The following ZNF143 variants were observed in gnomAD, a reference collection of about 807,000 sequenced individuals.
ZNF143 encodes the protein zinc finger protein 143.
ZNF143 carries 49 observed loss-of-function variants against 74.1 expected under a neutral mutation model. That is an observed-to-expected ratio of 0.66 (90% CI 0.53 to 0.84). The LOEUF (loss-of-function observed/expected upper bound fraction) is 0.84, where lower values mean the gene tolerates loss of function less well. ZNF143 is among the 40% of genes least tolerant of loss of function. The probability of loss-of-function intolerance (pLI) is 0.00; values close to 1 mark genes in which losing one functional copy is unlikely to be tolerated. For missense variants in ZNF143, 637 were observed against 793.4 expected, an observed-to-expected ratio of 0.80 and a Z score of 2.37; for synonymous variants, 304 against 282.8, an observed-to-expected ratio of 1.07 and a Z score of -0.75.
chr11:9,496,447 G>A, intron 9 of ZNF143, 69 bp downstream of exon 9: 1 of 1,314,956 alleles, frequency 7.6e-7, no homozygotes, highest in Non-Finnish European at 1.1e-6. Context: ...CTAGTGGAAG[G>A]AACTGACCCC....
intron 8 of ZNF143, among the ~76,000 whole-genome samples, 186 bp downstream of exon 8, chr11:9,494,951 G>A (rs1289348066): frequency 6.6e-6 from 1 of 152,134 alleles, no homozygotes; most frequent in Non-Finnish European, 1.5e-5. Context: ...AATTTTTTGA[G>A]GGCTTGGACT....
At chr11:9,519,625 T>C (rs1172037323) in intron 14 of ZNF143, among the ~76,000 whole-genome samples, 1 of 152,250 alleles carries the variant, frequency 6.6e-6, no homozygotes, top group South Asian at 2.1e-4. Flanking sequence ...CTTGTTGATA[T>C]ATTCTCCCCT....
chr11:9,511,102 C>CTTTTTTTTTTTTTT (rs777285359), intron 12 of ZNF143, among the ~76,000 whole-genome samples: 2 of 70,748 alleles, frequency 2.8e-5, no homozygotes, highest in African/African-American at 1.1e-4. Context: ...TTAACAGCTT[C>CTTTTTTTTTTTTTT]TTTTTTTTTT....
intron 14 of ZNF143, among the ~76,000 whole-genome samples, chr11:9,521,137 C>T (rs1230915366): frequency 6.6e-6 from 1 of 152,298 alleles, no homozygotes; most frequent in East Asian, 1.9e-4. Context: ...TTGAAACCTA[C>T]ACGTACACAT....
intron 5 of ZNF143, 81 bp from the exon 6 acceptor site, chr11:9,478,309 T>C: frequency 3.4e-6 from 5 of 1,454,358 alleles, no homozygotes; most frequent in Non-Finnish European, 4.7e-6. Flanking sequence ...CAATAAAAGC[T>C]CATTTCTCTC....
At chr11:9,463,033 C>G (rs1031216470) in intron 1 of ZNF143, among the ~76,000 whole-genome samples, 3 of 152,160 alleles carry the variant, frequency 2.0e-5, no homozygotes, top group African/African-American at 7.2e-5. Flanking sequence ...TGCATGTTTG[C>G]TATTCTAGAT....
At chr11:9,465,995 A>AT (rs142606023) in intron 1 of ZNF143, among the ~76,000 whole-genome samples, 2,762 of 138,202 alleles carry the variant, frequency 0.02, 54 homozygotes, top group African/African-American at 0.053. Flanking sequence ...TGTCTGGCTA[A>AT]TTTTTTTTTT....
chr11:9,473,704 C>G, intron 3 of ZNF143: 3 of 1,318,872 alleles, frequency 2.3e-6, no homozygotes, highest in Non-Finnish European at 3.1e-6. Context: ...AGCCACTCTT[C>G]CTCTTGACCT....
intron 7 of ZNF143, among the ~76,000 whole-genome samples, chr11:9,487,396 A>G (rs755583720): frequency 1.2e-4 from 18 of 149,040 alleles, no homozygotes; most frequent in Non-Finnish European, 2.4e-4. Flanking sequence ...GTCTCGCTCT[A>G]TTGCCCAGGC....
chr11:9,516,379 GT>G lies in ZNF143; in HGVS notation c.1686+19del. 1 of 1,594,226 alleles carries G rather than the reference GT, an allele frequency of 6.3e-7. No homozygotes were observed. On this transcript the variant is annotated intron_variant, in intron 14 of 15. Coordinates refer to ENST00000396602, the MANE Select transcript of ZNF143 (RefSeq NM_003442.6). ...GGGGAACAGGTAATTACTTTTTTCTGTTATGTCAATCAATACATATATCAGT... is the reference window on the plus strand; with the variant it reads ...GGGGAACAGGTAATTACTTTTTTCTGTATGTCAATCAATACATATATCAGT...
intron 7 of ZNF143, among the ~76,000 whole-genome samples, chr11:9,487,619 A>C (rs139073980): frequency 0.014 from 2,203 of 152,290 alleles, 30 homozygotes; most frequent in Non-Finnish European, 0.024. Flanking sequence ...GGCCTCCCAG[A>C]GTGCTGGGAG....
At chr11:9,467,250 T>C (rs998675470) in intron 1 of ZNF143, among the ~76,000 whole-genome samples, 1 of 151,060 alleles carries the variant, frequency 6.6e-6, no homozygotes, top group Non-Finnish European at 1.5e-5. Context: ...TTTTTTTTTT[T>C]TTTGAGATAG....
chr11:9,477,585 C>G (rs960522280), intron 5 of ZNF143, among the ~76,000 whole-genome samples: 1 of 151,950 alleles, frequency 6.6e-6, no homozygotes, highest in Non-Finnish European at 1.5e-5. Flanking sequence ...AAGAGTTAGT[C>G]ACAGGTTCAT....
chr11:9,523,443 A>G (rs1472065123), intron 14 of ZNF143, among the ~76,000 whole-genome samples: 1 of 152,098 alleles, frequency 6.6e-6, no homozygotes, highest in Non-Finnish European at 1.5e-5. Flanking sequence ...AGGGGTCTTA[A>G]GGATTTGAGG....
chr11:9,490,038 G>A (rs1248140652), intron 7 of ZNF143, among the ~76,000 whole-genome samples: 2 of 151,926 alleles, frequency 1.3e-5, no homozygotes, highest in South Asian at 2.1e-4. Context: ...TTAAAAACAA[G>A]CTGAGTGTGG....
chr11:9,470,563 A>G (rs769329375), intron 1 of ZNF143, among the ~76,000 whole-genome samples: 1 of 152,152 alleles, frequency 6.6e-6, no homozygotes, highest in Non-Finnish European at 1.5e-5. Flanking sequence ...ACTCAAATGA[A>G]CACGTTCTAA....
rs1259574052 is a variant in ZNF143 at position 9,486,402 on chromosome 11, T to TA, written c.645+6856_645+6857insA. 3.2e-3 allele frequency among the ~76,000 whole-genome samples: 84 copies of TA among 26,526 alleles called. 1 individual carries two copies. The highest frequency in any genetic ancestry group is 6.0e-3 in the South Asian group (6 of 1,004). 17.4% of individuals were successfully genotyped at this position (26,526 alleles called of 152,430 possible). ...TTATATATATAATATATATAATATA[T>TA]TATATATATAATATATATTATATAT... On this transcript the variant is annotated intron_variant, in intron 7 of 15. Coordinates refer to ENST00000396602, the MANE Select transcript of ZNF143 (RefSeq NM_003442.6).
intron 1 of ZNF143, among the ~76,000 whole-genome samples, chr11:9,464,602 A>G (rs901376388): frequency 4.0e-5 from 6 of 148,732 alleles, no homozygotes; most frequent in South Asian, 2.1e-4. Flanking sequence ...CCCTGTCTCA[A>G]TCAATCAATC....
At chr11:9,502,998 T>C (rs1184191191) in intron 11 of ZNF143, among the ~76,000 whole-genome samples, 1 of 152,054 alleles carries the variant, frequency 6.6e-6, no homozygotes, top group Non-Finnish European at 1.5e-5. Flanking sequence ...GCCTGGCTAA[T>C]TTTTTGTATG....
Sources: gnomAD v4.1 joint callset for allele counts (sites outside exome capture counted in the v4.1 genomes callset) on GRCh38, gnomAD v4.1.1 for gene constraint, MANE v1.5 for transcripts, NCBI Gene and HGNC (gene_info 2026-07-23, HGNC 2026-07-21) for gene names.